Variants in PVT1 observed in about 807,000 individuals in gnomAD.
PVT1 encodes CXCR4/PVT1 fusion.
intron 4 of PVT1, among the ~76,000 whole-genome samples, chr8:128,031,326 C>A (rs1813384377): frequency 6.6e-6 from 1 of 152,218 alleles, no homozygotes; most frequent in African/African-American, 2.4e-5. Context: ...CATTGTAGAA[C>A]ACAAAAGCTG....
chr8:127,919,544 C>T (rs1816032008), intron 3 of PVT1, among the ~76,000 whole-genome samples: 1 of 152,296 alleles, frequency 6.6e-6, no homozygotes, highest in Admixed American at 6.5e-5. Context: ...CTGCCCCCTC[C>T]CCTGAGCAGT....
chr8:127,932,432 G>A (rs1816217954), intron 3 of PVT1: 3 of 398,526 alleles, frequency 7.5e-6, no homozygotes, highest in African/African-American at 2.1e-5. Flanking sequence ...GAGAACTATT[G>A]TCACATGAGT....
intron 2 of PVT1, among the ~76,000 whole-genome samples, chr8:127,868,770 CATATAT>C (rs869296227): frequency 6.0e-3 from 3 of 502 alleles, no homozygotes; most frequent in South Asian, 0.042. Context: ...TTCCTTTTAA[CATATAT>C]ATATATATAT....
At chr8:127,976,402 C>T (rs1816823161) in intron 3 of PVT1, among the ~76,000 whole-genome samples, 1 of 152,184 alleles carries the variant, frequency 6.6e-6, no homozygotes, top group Non-Finnish European at 1.5e-5. Context: ...AGCCCTCAAA[C>T]TCCACTGGCT....
intron 3 of PVT1, among the ~76,000 whole-genome samples, chr8:127,902,476 G>A (rs1815771039): frequency 6.6e-6 from 1 of 150,582 alleles, no homozygotes; most frequent in African/African-American, 2.4e-5. Flanking sequence ...TGCATATGCA[G>A]GTTTGTTACA....
chr8:128,074,122 A>T (rs1378789603), intron 5 of PVT1, among the ~76,000 whole-genome samples: 1 of 152,210 alleles, frequency 6.6e-6, no homozygotes, highest in Non-Finnish European at 1.5e-5. Flanking sequence ...ACATTGATGC[A>T]GAGAAAATGG....
intron 2 of PVT1, among the ~76,000 whole-genome samples, chr8:127,814,288 G>A (rs1217218376): frequency 6.6e-6 from 1 of 152,186 alleles, no homozygotes; most frequent in Non-Finnish European, 1.5e-5. Context: ...AGACACCTGG[G>A]CCATATCTGG....
At position 128,068,787 on chromosome 8, in the gene PVT1, C is replaced by T. The variant is rs150446114; in HGVS notation, n.913-1373C>T. Reference sequence around the variant, plus strand: ...GATTACAGGCGTGAGCCACTGCACCCGGCCAGTTTTGGGGTTTATTTTAAG... The same window carrying T: ...GATTACAGGCGTGAGCCACTGCACCTGGCCAGTTTTGGGGTTTATTTTAAG... On this transcript the variant is annotated intron_variant and non_coding_transcript_variant, in intron 4 of 10. Coordinates refer to ENST00000651587, the Ensembl canonical transcript of PVT1. 4.2e-3 allele frequency among the ~76,000 whole-genome samples: 639 copies of T among 152,302 alleles called. 9 individuals carry two copies. Among genetic ancestry groups the T allele is most frequent in the African/African-American group, 0.015 (610 of 41,554 alleles).
intron 5 of PVT1, among the ~76,000 whole-genome samples, chr8:128,074,631 T>C (rs1183114405): frequency 6.6e-6 from 1 of 151,924 alleles, no homozygotes; most frequent in Non-Finnish European, 1.5e-5. Flanking sequence ...AATGTGGTTT[T>C]GACAGAATAG....
intron 2 of PVT1, among the ~76,000 whole-genome samples, chr8:127,859,783 C>T (rs1815199587): frequency 1.3e-5 from 2 of 151,936 alleles, no homozygotes; most frequent in South Asian, 2.1e-4. Flanking sequence ...GCCTCAATCG[C>T]CTTATCTGTA....
chr8:127,814,072 C>T (rs1331518685), intron 2 of PVT1, among the ~76,000 whole-genome samples: 8 of 152,210 alleles, frequency 5.3e-5, no homozygotes, highest in Non-Finnish European at 1.0e-4. Context: ...CATGAACCAC[C>T]GCCCCCGGCC....
intron 4 of PVT1, among the ~76,000 whole-genome samples, chr8:128,012,582 G>A (rs536693727): frequency 6.6e-6 from 1 of 152,208 alleles, no homozygotes; most frequent in Non-Finnish European, 1.5e-5. Flanking sequence ...CCTGTTGGGT[G>A]TGCAAGGAGT....
At chr8:128,034,333 ACTC>A (rs956161840) in intron 4 of PVT1, among the ~76,000 whole-genome samples, 1 of 150,638 alleles carries the variant, frequency 6.6e-6, no homozygotes, top group African/African-American at 2.4e-5. Flanking sequence ...CCCTTGGAAA[ACTC>A]CTGTTCATCC....
At chr8:128,013,866 A>G (rs1321990480) in intron 4 of PVT1, among the ~76,000 whole-genome samples, 2 of 152,250 alleles carry the variant, frequency 1.3e-5, no homozygotes. Flanking sequence ...ACCAAAATGA[A>G]CAAAAAGTTA....
intron 2 of PVT1, among the ~76,000 whole-genome samples, chr8:127,847,449 G>T (rs1032679707): frequency 1.3e-5 from 2 of 152,146 alleles, no homozygotes; most frequent in Non-Finnish European, 2.9e-5. Context: ...CCTTTGACCT[G>T]GCCATCTCAT....
chr8:127,907,864 G>C (rs774413675), intron 3 of PVT1, among the ~76,000 whole-genome samples: 10 of 152,064 alleles, frequency 6.6e-5, no homozygotes, highest in East Asian at 3.8e-4. Flanking sequence ...GGATGGGAGG[G>C]GGGTAGCTGA....
chr8:127,867,997 C>T (rs1365439463), intron 2 of PVT1, among the ~76,000 whole-genome samples: 1 of 152,242 alleles, frequency 6.6e-6, no homozygotes, highest in Non-Finnish European at 1.5e-5. Flanking sequence ...TGTGATCCCT[C>T]TGTCCTTGTC....
intron 5 of PVT1, among the ~76,000 whole-genome samples, chr8:128,081,848 A>G (rs1254088912): frequency 6.6e-6 from 1 of 152,242 alleles, no homozygotes; most frequent in Admixed American, 6.5e-5. Flanking sequence ...AACCAAGGCT[A>G]AAACTAAACT....
At chr8:127,817,536 T>TAC (rs1937186531) in intron 2 of PVT1, among the ~76,000 whole-genome samples, 1 of 50,444 alleles carries the variant, frequency 2.0e-5, no homozygotes, top group African/African-American at 5.7e-5. Flanking sequence ...TAAATATATA[T>TAC]ATATATATAT....
Sources: gnomAD v4.1 joint callset for allele counts (sites outside exome capture counted in the v4.1 genomes callset) on GRCh38, gnomAD v4.1.1 for gene constraint, MANE v1.5 for transcripts, NCBI Gene and HGNC (gene_info 2026-07-23, HGNC 2026-07-21) for gene names.